Variants in TESK2 observed in about 807,000 individuals in gnomAD.
TESK2 encodes the protein testis associated actin remodelling kinase 2.
Under a neutral mutation model 57.1 loss-of-function variants are expected in TESK2, and 39 were observed. The observed-to-expected ratio is 0.68, with a 90% confidence interval of 0.53 to 0.89. The LOEUF (loss-of-function observed/expected upper bound fraction) is 0.89. Among genes scored for constraint, TESK2 ranks in the 40% least tolerant of loss-of-function variants. The probability of loss-of-function intolerance (pLI) is 0.00; values close to 1 mark genes in which losing one functional copy is unlikely to be tolerated. For missense variants in TESK2, 646 were observed against 732.1 expected (o/e 0.88, Z 1.36); for synonymous variants, 249 against 267.9 (o/e 0.93, Z 0.69).
At chr1:45,426,208 C>T (rs931083365) in intron 2 of TESK2, among the ~76,000 whole-genome samples, 4 of 152,072 alleles carry the variant, frequency 2.6e-5, no homozygotes, top group Non-Finnish European at 5.9e-5. Context: ...AATTATACCA[C>T]AGAGCTATTG....
chr1:45,456,104 G>T (rs977257852), intron 2 of TESK2, among the ~76,000 whole-genome samples: 3 of 151,928 alleles, frequency 2.0e-5, no homozygotes, highest in Admixed American at 6.6e-5. Context: ...GAGGTGGGGG[G>T]ATCATCTGAG....
intron 3 of TESK2, chr1:45,398,847 T>A: frequency 2.5e-6 from 1 of 399,664 alleles, no homozygotes; most frequent in Non-Finnish European, 4.8e-6. Context: ...CCATAAAACC[T>A]CAACACTATT....
intron 2 of TESK2, among the ~76,000 whole-genome samples, chr1:45,455,941 C>CCAA (rs1466202255): frequency 6.6e-6 from 1 of 151,898 alleles, no homozygotes; most frequent in African/African-American, 2.4e-5. Flanking sequence ...ACCTGTAATC[C>CCAA]CAACACTTTG....
chr1:45,479,240 G>A (rs924301067), intron 1 of TESK2, among the ~76,000 whole-genome samples: 10 of 151,972 alleles, frequency 6.6e-5, no homozygotes, highest in African/African-American at 2.4e-4. Context: ...CAAATGTTGA[G>A]AACTTTTAGT....
chr1:45,431,007 A>G (rs574806825), intron 2 of TESK2, among the ~76,000 whole-genome samples: 43 of 152,332 alleles, frequency 2.8e-4, no homozygotes, highest in African/African-American at 9.6e-4. Flanking sequence ...AAGTAAGCAG[A>G]TTAAACAATA....
intron 4 of TESK2, among the ~76,000 whole-genome samples, chr1:45,369,316 T>A (rs1032299342): frequency 1.3e-5 from 2 of 151,868 alleles, no homozygotes; most frequent in Admixed American, 1.3e-4. Flanking sequence ...CTGGCCAACA[T>A]TGTGAAACCC....
chr1:45,361,195 G>A, intron 4 of TESK2, among the ~76,000 whole-genome samples: 1 of 152,172 alleles, frequency 6.6e-6, no homozygotes, highest in Non-Finnish European at 1.5e-5. Context: ...TGCAGACTCA[G>A]CTGGTGTGGC....
rs549162828 is a variant in TESK2 at position 45,488,961 on chromosome 1, G to A, written c.-87+1891C>T. On this transcript the variant is annotated intron_variant, in intron 1 of 10. Transcript: ENST00000372086. ...CAGATAGCTTTGAGCTCAGGAGTTCGAGACCAGCCTGGGCAACGCAGAGAA... is the reference window on the plus strand; with the variant it reads ...CAGATAGCTTTGAGCTCAGGAGTTCAAGACCAGCCTGGGCAACGCAGAGAA... 4.0e-4 allele frequency among the ~76,000 whole-genome samples: 61 copies of A among 152,112 alleles called. 2 individuals are homozygous for A. In the South Asian group the frequency reaches 0.011, roughly 28 times the overall value.
At chr1:45,447,016 G>A (rs1275784648) in intron 2 of TESK2, among the ~76,000 whole-genome samples, 16 of 152,064 alleles carry the variant, frequency 1.1e-4, no homozygotes. Flanking sequence ...CCAGGAGTTA[G>A]AGACCAGCCT....
intron 3 of TESK2, among the ~76,000 whole-genome samples, chr1:45,417,843 G>A (rs564603274): frequency 3.3e-5 from 5 of 152,088 alleles, no homozygotes; most frequent in African/African-American, 1.2e-4. Flanking sequence ...CGCCCACCTC[G>A]GCCTCCTAAA....
At chr1:45,357,710 G>A (rs994416080) in intron 4 of TESK2, among the ~76,000 whole-genome samples, 15 of 151,632 alleles carry the variant, frequency 9.9e-5, no homozygotes, top group African/African-American at 2.9e-4. Context: ...GGCCAGGCAC[G>A]GTAGCTCCCA....
At chr1:45,418,161 T>C (rs1650325430) in intron 3 of TESK2, among the ~76,000 whole-genome samples, 1 of 152,234 alleles carries the variant, frequency 6.6e-6, no homozygotes. Flanking sequence ...TTACTAATTC[T>C]ATTTTCTAAA....
chr1:45,419,078 A>G (rs1044203508), intron 3 of TESK2, among the ~76,000 whole-genome samples: 6 of 151,932 alleles, frequency 3.9e-5, no homozygotes, highest in Admixed American at 6.6e-5. Flanking sequence ...CCCAGGTTCA[A>G]GAGCTTCTCC....
At chr1:45,480,435 G>A (rs1322626796) in intron 1 of TESK2, among the ~76,000 whole-genome samples, 1 of 145,456 alleles carries the variant, frequency 6.9e-6, no homozygotes, top group Non-Finnish European at 1.5e-5. Flanking sequence ...TCCAGTGTGG[G>A]CAACAGAGCA....
intron 2 of TESK2, among the ~76,000 whole-genome samples, chr1:45,451,468 T>C (rs567384872): frequency 1.3e-5 from 2 of 152,258 alleles, no homozygotes; most frequent in African/African-American, 2.4e-5. Context: ...CTTGATTTGA[T>C]TTGGGAAGCC....
intron 3 of TESK2, among the ~76,000 whole-genome samples, chr1:45,388,293 C>G (rs1459435769): frequency 6.6e-6 from 1 of 152,128 alleles, no homozygotes; most frequent in African/African-American, 2.4e-5. Flanking sequence ...TCTAGTCAGC[C>G]TCTTTTAGAA....
rs750517058 is a variant in TESK2 at position 45,344,816 on chromosome 1, A to G, written c.*24T>C. The G allele has an allele frequency of 5.5e-5, 88 of 1,588,404 alleles. No individual in the cohort carries two copies. The East Asian group carries it at 1.4e-3, about 26-fold the overall frequency. ...GGTTTCAGCTGAAGGTCCATCCCCAAGGTGAGGCAGGGACTAAACCCCCTC... is the reference window on the plus strand; with the variant it reads ...GGTTTCAGCTGAAGGTCCATCCCCAGGGTGAGGCAGGGACTAAACCCCCTC... On this transcript the variant is annotated 3_prime_UTR_variant, in exon 11 of 11. Transcript: ENST00000372086.
At chr1:45,467,734 G>A (rs888938390) in intron 1 of TESK2, among the ~76,000 whole-genome samples, 18 of 151,996 alleles carry the variant, frequency 1.2e-4, no homozygotes, top group African/African-American at 4.4e-4. Flanking sequence ...GCATGCCAGT[G>A]TGCAAGCCAA....
At chr1:45,465,878 G>A (rs189963139) in intron 1 of TESK2, among the ~76,000 whole-genome samples, 42 of 152,256 alleles carry the variant, frequency 2.8e-4, no homozygotes, top group African/African-American at 9.4e-4. Context: ...AAGTAGCAAT[G>A]TGAATGTATT....
Sources: gnomAD v4.1 joint callset for allele counts (sites outside exome capture counted in the v4.1 genomes callset) on GRCh38, gnomAD v4.1.1 for gene constraint, MANE v1.5 for transcripts, NCBI Gene and HGNC (gene_info 2026-07-23, HGNC 2026-07-21) for gene names.